Variants in TECRL observed in about 807,000 individuals in gnomAD.
The protein encoded by TECRL is trans-2,3-enoyl-CoA reductase like, also known as trans-2,3-enoyl-CoA reductase-like.
A neutral mutation model predicts 52.8 loss-of-function variants in TECRL; 63 were observed. The ratio of observed to expected loss-of-function variants is 1.19; its 90% confidence interval spans 0.97 to 1.47. TECRL has a LOEUF of 1.47. Ranked by LOEUF, TECRL falls within the 40% of genes most tolerant of loss-of-function variation. The pLI, the probability that TECRL is intolerant of heterozygous loss-of-function variation, is 0.00. For missense variants in TECRL, 482 were observed against 429.6 expected (o/e 1.12, Z -1.08); for synonymous variants, 164 against 141.9 (o/e 1.16, Z -1.10).
intron 2 of TECRL, among the ~76,000 whole-genome samples, chr4:64,362,374 C>A (rs529964550): frequency 1.2e-4 from 19 of 152,036 alleles, no homozygotes; most frequent in Admixed American, 1.1e-3. Flanking sequence ...CTATGAAAAA[C>A]AACCATCCCC....
At chr4:64,355,425 A>T (rs1577924730) in intron 2 of TECRL, among the ~76,000 whole-genome samples, 1 of 148,542 alleles carries the variant, frequency 6.7e-6, no homozygotes, top group African/African-American at 2.5e-5. Context: ...TAAAAAAAAA[A>T]TTACATTAGA....
At chr4:64,301,893 A>C (rs1011061424) in intron 7 of TECRL, among the ~76,000 whole-genome samples, 103 of 151,412 alleles carry the variant, frequency 6.8e-4, no homozygotes, top group African/African-American at 2.3e-3. Context: ...AGTTATAGGT[A>C]GTGCGAAGAG....
intron 2 of TECRL, among the ~76,000 whole-genome samples, chr4:64,328,768 T>A (rs764060912): frequency 9.2e-5 from 14 of 151,874 alleles, no homozygotes; most frequent in Non-Finnish European, 1.9e-4. Flanking sequence ...GCTTTAAAAG[T>A]GGTAAGTTTC....
At chr4:64,313,866 G>T (rs567327440) in intron 5 of TECRL, among the ~76,000 whole-genome samples, 74 of 148,872 alleles carry the variant, frequency 5.0e-4, no homozygotes, top group Non-Finnish European at 7.7e-4. Context: ...GGGCGTGGTG[G>T]CTCATGCCTG....
chr4:64,293,601 C>G (rs2109957344), intron 8 of TECRL, among the ~76,000 whole-genome samples: 1 of 152,138 alleles, frequency 6.6e-6, no homozygotes, highest in South Asian at 2.1e-4. Flanking sequence ...TTACCAATGA[C>G]TAAAGCAAGG....
At chr4:64,281,143 A>T in intron 10 of TECRL, 57 bp from the exon 11 acceptor site, 2 of 1,417,260 alleles carry the variant, frequency 1.4e-6, no homozygotes, top group Non-Finnish European at 9.8e-7. Flanking sequence ...TAATTTGTTC[A>T]TTTGTGGCTT....
intron 2 of TECRL, among the ~76,000 whole-genome samples, chr4:64,373,952 A>G (rs1361575859): frequency 6.9e-6 from 1 of 145,578 alleles, no homozygotes; most frequent in Non-Finnish European, 1.5e-5. Flanking sequence ...TACTATACAT[A>G]CACACTATAT....
At chr4:64,342,084 T>C (rs1207736043) in intron 2 of TECRL, among the ~76,000 whole-genome samples, 1 of 152,194 alleles carries the variant, frequency 6.6e-6, no homozygotes. Context: ...AAGGCATCAC[T>C]AGCCACAAGT....
chr4:64,404,766 G>A (rs189892383), intron 1 of TECRL, among the ~76,000 whole-genome samples: 1 of 152,186 alleles, frequency 6.6e-6, no homozygotes, highest in East Asian at 1.9e-4. Flanking sequence ...AAGGGTTTGA[G>A]AGAATGTCTT....
chr4:64,278,953 C>T lies in TECRL; in HGVS notation c.*1119G>A, dbSNP rs1722682860. On this transcript the variant is annotated 3_prime_UTR_variant, in exon 12 of 12. Coordinates refer to ENST00000381210, the MANE Select transcript of TECRL (RefSeq NM_001010874.5). ...AATGACAGGAATTCAGTTTTTATGG[C>T]TGCATAGTATTCTATTGTGTATATA... 1 of 152,114 alleles carries T rather than the reference C, an allele frequency of 6.6e-6. No individual in the cohort carries two copies. Among genetic ancestry groups the T allele is most frequent in the African/African-American group, 2.4e-5 (1 of 41,420 alleles). The allele number at this position is 152,114 out of a possible 1,614,324, so 9.4% of individuals were successfully genotyped here.
chr4:64,309,926 G>A lies in TECRL; in HGVS notation c.557C>T (p.Ala186Val). 4 of 1,579,926 alleles carry A rather than the reference G, an allele frequency of 2.5e-6. No homozygotes were observed. Among genetic ancestry groups the A allele is most frequent in the Non-Finnish European group, 3.4e-6 (4 of 1,162,708 alleles). ...RRLRHPVVHL[A>V]CFCHCIHYIR... is the part of the protein sequence containing the mutation. ...GTAGTGTATACAATGACAGAAGCAA[G>A]CCAAGCTGGAAAAAAAAATAAAACA... The change falls in exon 6 of 12, where the codon GCT becomes GTT. Residue 186 changes from alanine to valine, a missense_variant. By Grantham distance (64) the Ala-to-Val change is moderately conservative (BLOSUM62 0). Coordinates refer to ENST00000381210, the MANE Select transcript of TECRL (RefSeq NM_001010874.5).
chr4:64,338,007 C>A (rs1296428641), intron 2 of TECRL, among the ~76,000 whole-genome samples: 1 of 152,128 alleles, frequency 6.6e-6, no homozygotes, highest in Non-Finnish European at 1.5e-5. Flanking sequence ...AAGCTGGAGG[C>A]ATCATGCTAC....
At chr4:64,389,249 G>A (rs1331308468) in intron 1 of TECRL, among the ~76,000 whole-genome samples, 1 of 151,848 alleles carries the variant, frequency 6.6e-6, no homozygotes, top group Admixed American at 6.6e-5. Flanking sequence ...GTGACCTGTA[G>A]GTCTTTCGGA....
intron 4 of TECRL, among the ~76,000 whole-genome samples, chr4:64,321,214 A>T (rs932747718): frequency 6.6e-6 from 1 of 152,186 alleles, no homozygotes; most frequent in Admixed American, 6.5e-5. Context: ...GTTAGAAAAT[A>T]TTCACAGATG....
At chr4:64,304,140 C>A (rs928536358) in intron 7 of TECRL, among the ~76,000 whole-genome samples, 2 of 151,834 alleles carry the variant, frequency 1.3e-5, no homozygotes, top group African/African-American at 2.4e-5. Flanking sequence ...GGCAATGAAG[C>A]ATTTTTCAGA....
chr4:64,401,034 A>G lies in TECRL; in HGVS notation c.234+8084T>C, dbSNP rs1344571114. Among the ~76,000 whole-genome samples the G allele has an allele frequency of 7.1e-4, 108 of 152,158 alleles. 1 individual carries two copies. Among genetic ancestry groups the G allele is most frequent in the Admixed American group, 7.1e-3 (108 of 15,272 alleles). On this transcript the variant is annotated intron_variant, in intron 1 of 11. Coordinates refer to ENST00000381210, the MANE Select transcript of TECRL (RefSeq NM_001010874.5). ...TCTTAAAGCCTAAGCAGATCCCAATACTATCTTGCCTCCCAAATGTGGCAG... is the reference window on the plus strand; with the variant it reads ...TCTTAAAGCCTAAGCAGATCCCAATGCTATCTTGCCTCCCAAATGTGGCAG...
At chr4:64,387,180 A>G (rs1723236443) in intron 1 of TECRL, among the ~76,000 whole-genome samples, 1 of 152,138 alleles carries the variant, frequency 6.6e-6, no homozygotes, top group South Asian at 2.1e-4. Flanking sequence ...CAACCTTTTC[A>G]GATTGCATTT....
Position 64,299,950 on chromosome 4 carries a change from G to C in TECRL, c.774+24C>G, listed in dbSNP as rs1044476823. On this transcript the variant is annotated intron_variant, in intron 8 of 11. Transcript: ENST00000381210. ...TAATACCAAAATTAGAGCGTGAATA[G>C]CAAAATATATATATGATACATACCA... The C allele has an allele frequency of 2.0e-6, 3 of 1,472,298 alleles. No homozygotes were observed. In the African/African-American group the frequency reaches 4.2e-5, roughly 21 times the overall value. The allele number at this position is 1,472,298 out of a possible 1,614,324, so 91.2% of individuals were successfully genotyped here.
At chr4:64,302,602 AT>A (rs5858872) in intron 7 of TECRL, among the ~76,000 whole-genome samples, 94,334 of 150,992 alleles carry the variant, frequency 0.62, 32,253 homozygotes, top group Non-Finnish European at 0.76. Flanking sequence ...TTTTTTTCTA[AT>A]TTTGAGGGTA....
Sources: allele counts gnomAD v4.1 joint callset (sites outside exome capture counted in the v4.1 genomes callset), GRCh38; gene constraint gnomAD v4.1.1; transcripts MANE v1.5; gene names NCBI Gene and HGNC (gene_info 2026-07-23, HGNC 2026-07-21).